Variants in MEI4 observed in about 807,000 individuals in gnomAD.
MEI4 encodes meiosis-specific protein MEI4.
Under a neutral mutation model 31.4 loss-of-function variants are expected in MEI4, and 27 were observed. That is an observed-to-expected ratio of 0.86 (90% CI 0.63 to 1.19). MEI4 has a LOEUF of 1.19. Ranked by LOEUF, MEI4 falls within the 50% of genes most tolerant of loss-of-function variation. The pLI, the probability that MEI4 is intolerant of heterozygous loss-of-function variation, is 0.00. For missense variants in MEI4, 329 were observed against 398.9 expected, an observed-to-expected ratio of 0.82 and a Z score of 1.49; for synonymous variants, 122 against 145.4, an observed-to-expected ratio of 0.84 and a Z score of 1.16.
intron 3 of MEI4, among the ~76,000 whole-genome samples, chr6:77,782,688 T>G (rs1197871516): frequency 6.6e-6 from 1 of 152,174 alleles, no homozygotes; most frequent in Non-Finnish European, 1.5e-5. Context: ...TTTCACAGTT[T>G]AATCTGTTTA....
chr6:77,819,614 A>G (rs773974772), intron 3 of MEI4, among the ~76,000 whole-genome samples: 23 of 152,122 alleles, frequency 1.5e-4, no homozygotes, highest in Non-Finnish European at 5.9e-5. Context: ...CTTTCACCCA[A>G]TGAAAACATT....
intron 2 of MEI4, among the ~76,000 whole-genome samples, chr6:77,712,033 C>A (rs917100345): frequency 6.6e-6 from 1 of 152,108 alleles, no homozygotes; most frequent in African/African-American, 2.4e-5. Flanking sequence ...ATTGATTCAC[C>A]TTGTAGATGA....
intron 1 of MEI4, among the ~76,000 whole-genome samples, chr6:77,680,128 A>AT (rs1554209085): frequency 1.7e-5 from 2 of 115,508 alleles, no homozygotes; most frequent in African/African-American, 6.2e-5. Context: ...AAAAAAAAAA[A>AT]ATTAGCTGGG....
intron 2 of MEI4, among the ~76,000 whole-genome samples, chr6:77,744,970 C>T (rs7763263): frequency 6.6e-6 from 1 of 152,082 alleles, no homozygotes; most frequent in Admixed American, 6.5e-5. Context: ...CTGAAGGAAG[C>T]ACTAAACATG....
At chr6:77,744,510 G>C (rs1370572390) in intron 2 of MEI4, among the ~76,000 whole-genome samples, 1 of 152,082 alleles carries the variant, frequency 6.6e-6, no homozygotes, top group Non-Finnish European at 1.5e-5. Flanking sequence ...ACCTGAAAGT[G>C]ATGGGGAGAA....
At chr6:77,822,640 G>GA (rs1769855101) in intron 3 of MEI4, among the ~76,000 whole-genome samples, 1 of 133,288 alleles carries the variant, frequency 7.5e-6, no homozygotes, top group Non-Finnish European at 1.6e-5. Context: ...TTTTTCTTGA[G>GA]ACAGAGTCTC....
At chr6:77,681,710 G>T (rs73762808) in intron 1 of MEI4, among the ~76,000 whole-genome samples, 1 of 152,098 alleles carries the variant, frequency 6.6e-6, no homozygotes, top group Non-Finnish European at 1.5e-5. Context: ...TTAAGAGACC[G>T]TAGACAATTA....
intron 4 of MEI4, among the ~76,000 whole-genome samples, chr6:77,894,307 G>T (rs1581958640): frequency 6.6e-6 from 1 of 152,002 alleles, no homozygotes; most frequent in African/African-American, 2.4e-5. Context: ...CCTGACAAGG[G>T]TGACTTACAC....
chr6:77,667,604 G>T (rs192936040), intron 1 of MEI4, among the ~76,000 whole-genome samples: 1 of 152,114 alleles, frequency 6.6e-6, no homozygotes, highest in African/African-American at 2.4e-5. Context: ...GGGCTCACTC[G>T]CTCTCAGGGG....
At chr6:77,909,272 G>C (rs563497560) in intron 4 of MEI4, among the ~76,000 whole-genome samples, 23 of 152,158 alleles carry the variant, frequency 1.5e-4, no homozygotes, top group African/African-American at 5.1e-4. Flanking sequence ...TCCAGGAGCT[G>C]GTTTTTTGAA....
chr6:77,884,455 CCT>C (rs1305022945), intron 4 of MEI4, among the ~76,000 whole-genome samples: 1 of 152,056 alleles, frequency 6.6e-6, no homozygotes, highest in Non-Finnish European at 1.5e-5. Flanking sequence ...AAGCATTTCC[CCT>C]GTTTTCTTCT....
chr6:77,657,366 C>A (rs1301169251), intron 1 of MEI4, among the ~76,000 whole-genome samples: 1 of 152,252 alleles, frequency 6.6e-6, no homozygotes, highest in African/African-American at 2.4e-5. Context: ...AACTGGGATC[C>A]ATCACTTCAT....
chr6:77,770,908 C>T (rs7752940), intron 3 of MEI4, among the ~76,000 whole-genome samples: 51 of 152,172 alleles, frequency 3.4e-4, no homozygotes, highest in African/African-American at 1.2e-3. Context: ...ACACCAAAAA[C>T]AATTGCAGCA....
intron 2 of MEI4, among the ~76,000 whole-genome samples, chr6:77,758,155 C>CAAAAAAA (rs58249702): frequency 3.5e-5 from 4 of 115,840 alleles, no homozygotes; most frequent in Non-Finnish European, 3.6e-5. Context: ...CTCCATCTCA[C>CAAAAAAA]AAAAAAAAAA....
chr6:77,827,342 CAGAG>C (rs1424494383), intron 3 of MEI4, among the ~76,000 whole-genome samples: 4 of 113,348 alleles, frequency 3.5e-5, no homozygotes, highest in Non-Finnish European at 6.6e-5. Context: ...GCCTGGGTGA[CAGAG>C]GGAGACTCCA....
intron 2 of MEI4, among the ~76,000 whole-genome samples, chr6:77,756,507 A>G (rs909227360): frequency 1.3e-5 from 2 of 152,062 alleles, no homozygotes; most frequent in African/African-American, 2.4e-5. Context: ...AGTTATTAAT[A>G]GTAGATGCTA....
intron 4 of MEI4, among the ~76,000 whole-genome samples, chr6:77,920,958 T>G (rs1766689397): frequency 6.6e-6 from 1 of 151,894 alleles, no homozygotes; most frequent in African/African-American, 2.4e-5. Context: ...TAATAAATAC[T>G]TAAGGATTCC....
chr6:77,730,207 T>C (rs780075922), intron 2 of MEI4, among the ~76,000 whole-genome samples: 7 of 152,140 alleles, frequency 4.6e-5, no homozygotes, highest in Non-Finnish European at 8.8e-5. Flanking sequence ...ATTGGGTGTA[T>C]TGCTGACTTC....
At chr6:77,797,790 C>A (rs933837374) in intron 3 of MEI4, among the ~76,000 whole-genome samples, 5 of 152,096 alleles carry the variant, frequency 3.3e-5, no homozygotes, top group African/African-American at 1.2e-4. Context: ...ATGGTGCCCA[C>A]CCACGTTGAG....
Sources: gnomAD v4.1 joint callset for allele counts (sites outside exome capture counted in the v4.1 genomes callset) on GRCh38, gnomAD v4.1.1 for gene constraint, MANE v1.5 for transcripts, NCBI Gene and HGNC (gene_info 2026-07-23, HGNC 2026-07-21) for gene names.